Variants in PXK observed in about 807,000 individuals in gnomAD.
The protein encoded by PXK is PX domain-containing protein kinase-like protein.
Under a neutral mutation model 84.7 loss-of-function variants are expected in PXK, and 35 were observed. That is an observed-to-expected ratio of 0.41 (90% CI 0.32 to 0.55). The LOEUF (loss-of-function observed/expected upper bound fraction) is 0.55, where lower values mean the gene tolerates loss of function less well. Among genes scored for constraint, PXK ranks in the 20% least tolerant of loss-of-function variants. PXK has a pLI of 0.21. For synonymous variants in PXK, 253 were observed against 260.8 expected (o/e 0.97, Z 0.29); for missense variants, 634 against 699.7 (o/e 0.91, Z 1.06).
At position 58,405,609 on chromosome 3, in the gene PXK, G is replaced by A. The variant is rs141063084; in HGVS notation, c.1230+1699G>A. Among the ~76,000 whole-genome samples, 280 of 151,826 alleles carry A rather than the reference G, an allele frequency of 1.8e-3. 1 individual carries two copies. Among genetic ancestry groups the A allele is most frequent in the African/African-American group, 6.5e-3 (271 of 41,400 alleles). Reference sequence around the variant, plus strand: ...CAGGAGAATTGCTTAGACCTGGGAGGCAGAGGTTGCAGTGAACTGAGAGCA... The same window carrying A: ...CAGGAGAATTGCTTAGACCTGGGAGACAGAGGTTGCAGTGAACTGAGAGCA... On this transcript the variant is annotated intron_variant, in intron 13 of 17. Coordinates refer to ENST00000356151, the MANE Select transcript of PXK (RefSeq NM_017771.5).
chr3:58,421,807 GAA>G lies in PXK; in HGVS notation c.1529-2943_1529-2942del. Reference sequence around the variant, plus strand: ...TGGCTCTCAGGGATTTTGTCTAAGAGAAAGTGAGATGGGAGAAATCGGGACTG... The same window carrying G: ...TGGCTCTCAGGGATTTTGTCTAAGAGAGTGAGATGGGAGAAATCGGGACTG... On this transcript the variant is annotated intron_variant, in intron 17 of 17. Transcript: ENST00000356151. The surrounding 1 kb of genome is among the most constrained non-coding windows in gnomAD (Gnocchi z 5.5). 2.0e-6 allele frequency: 2 copies of G among 985,450 alleles called. No homozygotes were observed. The highest frequency in any genetic ancestry group is 2.4e-6 in the Non-Finnish European group (2 of 829,934). 61.0% of individuals were successfully genotyped at this position (985,450 alleles called of 1,614,324 possible). A position where few individuals can be genotyped will look rare whatever the true frequency, so the allele number is the denominator to read the frequency against.
intron 16 of PXK, among the ~76,000 whole-genome samples, chr3:58,410,765 A>G (rs1305411956): frequency 1.3e-5 from 2 of 152,154 alleles, no homozygotes; most frequent in Non-Finnish European, 1.5e-5. Flanking sequence ...CAGTTTTTCT[A>G]ATTTATGAAT....
chr3:58,424,391 G>A (rs2062490786), intron 17 of PXK, among the ~76,000 whole-genome samples: 1 of 152,194 alleles, frequency 6.6e-6, no homozygotes, highest in Non-Finnish European at 1.5e-5. Context: ...AGAGCTTCCT[G>A]GGACCTGGCT....
At chr3:58,387,203 C>T (rs1393529658) in intron 4 of PXK, among the ~76,000 whole-genome samples, 1 of 152,190 alleles carries the variant, frequency 6.6e-6, no homozygotes, top group Non-Finnish European at 1.5e-5. Context: ...CTGTCTCCAG[C>T]TTGTTTATCA....
chr3:58,340,562 A>G (rs369079375), intron 1 of PXK, among the ~76,000 whole-genome samples: 1 of 151,972 alleles, frequency 6.6e-6, no homozygotes, highest in East Asian at 2.0e-4. Flanking sequence ...CCCCATTTCT[A>G]CTAAAAATAC....
intron 1 of PXK, among the ~76,000 whole-genome samples, chr3:58,356,249 G>A (rs1335140232): frequency 6.6e-6 from 1 of 152,178 alleles, no homozygotes; most frequent in African/African-American, 2.4e-5. Context: ...GTTGTGTCAA[G>A]AGGAGGGGCA....
At position 58,410,705 on chromosome 3, in the gene PXK, G is replaced by A. The variant is rs558148496; in HGVS notation, c.1465+546G>A. 2.6e-5 allele frequency among the ~76,000 whole-genome samples: 4 copies of A among 152,322 alleles called. No homozygotes were observed. The East Asian group carries it at 7.7e-4, about 29-fold the overall frequency. ...AGCTCTGCTGGCTTTGGGCCATAAT[G>A]TCCCATCTTTGGAAATCAGAGCCAG... On this transcript the variant is annotated intron_variant, in intron 16 of 17. Coordinates refer to ENST00000356151, the MANE Select transcript of PXK (RefSeq NM_017771.5).
chr3:58,365,154 A>G (rs1170656839), intron 1 of PXK, among the ~76,000 whole-genome samples: 2 of 152,032 alleles, frequency 1.3e-5, no homozygotes, highest in Non-Finnish European at 2.9e-5. Flanking sequence ...TTTAGTGCTT[A>G]AATTTCCCTC....
At chr3:58,422,724 A>G (rs1268605871) in intron 17 of PXK, 54 of 985,214 alleles carry the variant, frequency 5.5e-5, no homozygotes, top group Non-Finnish European at 6.4e-5. Context: ...CTGTGCCAAG[A>G]TGGCAGCCCC....
Position 58,411,504 on chromosome 3 carries a change from A to G in PXK, c.1465+1345A>G, listed in dbSNP as rs1185846819. ...CTTCGCCATGGTTGATGGGAGGGAC[A>G]TGGACCGGTCATGGTCATTATTATA... On this transcript the variant is annotated intron_variant, in intron 16 of 17. Coordinates refer to ENST00000356151, the MANE Select transcript of PXK (RefSeq NM_017771.5). This position sits in a 1 kb window ranked among gnomAD's most constrained non-coding sequence, Gnocchi z 4.2. Among the ~76,000 whole-genome samples the G allele has an allele frequency of 1.3e-4, 20 of 152,108 alleles. No individual in the cohort carries two copies. The highest frequency in any genetic ancestry group is 1.3e-3 in the Admixed American group (20 of 15,278).
In PXK at chr3:58,414,089, C is replaced by G. The variant is rs1229699536; in HGVS notation, c.1528+1126C>G. The G allele has an allele frequency of 6.6e-6, 1 of 152,160 alleles. No individual in the cohort carries two copies. The highest frequency in any genetic ancestry group is 1.5e-5 in the Non-Finnish European group (1 of 68,034). The allele number at this position is 152,160 out of a possible 1,614,324, so 9.4% of individuals were successfully genotyped here. A position where few individuals can be genotyped will look rare whatever the true frequency, so the allele number is the denominator to read the frequency against. On this transcript the variant is annotated intron_variant, in intron 17 of 17. Coordinates refer to ENST00000356151, the MANE Select transcript of PXK (RefSeq NM_017771.5). The surrounding 1 kb of genome is among the most constrained non-coding windows in gnomAD (Gnocchi z 4.5). Reference sequence around the variant, plus strand: ...TTTGTCAGCAGATTTCCCAAGAAAGCCCCCAAATGTTGATCAAGACAGAAA... The same window carrying G: ...TTTGTCAGCAGATTTCCCAAGAAAGGCCCCAAATGTTGATCAAGACAGAAA...
chr3:58,355,799 A>G (rs2098064555), intron 1 of PXK, among the ~76,000 whole-genome samples: 1 of 152,208 alleles, frequency 6.6e-6, no homozygotes, highest in Admixed American at 6.5e-5. Context: ...TCCATGGACT[A>G]GTGAGGACTC....
Position 58,398,300 on chromosome 3 carries a change from C to CTGAG in PXK, c.1102+579_1102+582dup. On this transcript the variant is annotated intron_variant, in intron 11 of 17. Coordinates refer to ENST00000356151, the MANE Select transcript of PXK (RefSeq NM_017771.5). This position sits in a 1 kb window ranked among gnomAD's most constrained non-coding sequence, Gnocchi z 4.5. ...CCTGTAATCCCAGCTTTTTGGGAGG[C>CTGAG]TGAGGCACGAGAATTGCTTGAACCC... Among the ~76,000 whole-genome samples the CTGAG allele has an allele frequency of 6.6e-6, 1 of 152,268 alleles. No individual in the cohort carries two copies. Among genetic ancestry groups the CTGAG allele is most frequent in the Admixed American group, 6.5e-5 (1 of 15,294 alleles).
chr3:58,364,116 A>G lies in PXK; in HGVS notation c.103-1758A>G, dbSNP rs945177273. ...TTGGTCATGGTATATAATTCTTTTT[A>G]TAAATTGCTGAATTCAATTTACTAA... On this transcript the variant is annotated intron_variant, in intron 1 of 17. Coordinates refer to ENST00000356151, the MANE Select transcript of PXK (RefSeq NM_017771.5). This position sits in a 1 kb window ranked among gnomAD's most constrained non-coding sequence, Gnocchi z 4.3. Among the ~76,000 whole-genome samples the G allele has an allele frequency of 2.6e-5, 4 of 152,168 alleles. No individual in the cohort carries two copies. The highest frequency in any genetic ancestry group is 5.9e-5 in the Non-Finnish European group (4 of 68,038).
chr3:58,415,900 C>T (rs533274544), intron 17 of PXK, among the ~76,000 whole-genome samples: 1 of 152,056 alleles, frequency 6.6e-6, no homozygotes, highest in African/African-American at 2.4e-5. Context: ...CTTAAAAGGG[C>T]GGGACATCTT....
At chr3:58,373,548 A>G (rs973144522) in intron 3 of PXK, among the ~76,000 whole-genome samples, 1 of 152,190 alleles carries the variant, frequency 6.6e-6, no homozygotes, top group African/African-American at 2.4e-5. Flanking sequence ...GGTTGAGACA[A>G]ATTGAGGGTC....
intron 17 of PXK, among the ~76,000 whole-genome samples, chr3:58,424,321 T>C (rs1008336087): frequency 1.3e-5 from 2 of 152,138 alleles, no homozygotes; most frequent in East Asian, 3.9e-4. Flanking sequence ...TAACTGACAT[T>C]CAGGAAGCCC....
At chr3:58,352,039 A>G (rs1309059394) in intron 1 of PXK, among the ~76,000 whole-genome samples, 3 of 152,238 alleles carry the variant, frequency 2.0e-5, no homozygotes, top group Non-Finnish European at 4.4e-5. Context: ...ACTGAAGCAC[A>G]GAGAAGTTAG....
chr3:58,373,934 A>G (rs1034859145), intron 3 of PXK, among the ~76,000 whole-genome samples: 1 of 151,038 alleles, frequency 6.6e-6, no homozygotes, highest in Non-Finnish European at 1.5e-5. Context: ...AGTCCCAGCT[A>G]CTCGGGAGGC....
Sources: allele counts gnomAD v4.1 joint callset (sites outside exome capture counted in the v4.1 genomes callset), GRCh38; gene constraint gnomAD v4.1.1; non-coding constraint Gnocchi (gnomAD v3.1); transcripts MANE v1.5; gene names NCBI Gene and HGNC (gene_info 2026-07-23, HGNC 2026-07-21).